The following FBN1 variants were observed in gnomAD, a reference collection of about 807,000 sequenced individuals.
FBN1 encodes fibrillin-1.
FBN1 carries 29 observed loss-of-function variants against 365.1 expected under a neutral mutation model. That is an observed-to-expected ratio of 0.08 (90% CI 0.06 to 0.11). FBN1 has a LOEUF of 0.11. FBN1 is among the 10% of genes least tolerant of loss of function. The pLI is 1.00. For synonymous variants in FBN1, 1,210 were observed against 1,270.5 expected, an observed-to-expected ratio of 0.95 and a Z score of 1.01; for missense variants, 2,476 against 3,703.2, an observed-to-expected ratio of 0.67 and a Z score of 8.60.
At chr15:48,568,014 A>AAAGG (rs2044270904) in intron 6 of FBN1, among the ~76,000 whole-genome samples, 1 of 108,550 alleles carries the variant, frequency 9.2e-6, no homozygotes, top group Non-Finnish European at 1.8e-5. Context: ...AGAAAGAAAG[A>AAAGG]AAGAAAGAAA....
chr15:48,413,160 C>T (rs1341416360), intron 64 of FBN1, among the ~76,000 whole-genome samples: 2 of 152,208 alleles, frequency 1.3e-5, no homozygotes, highest in Non-Finnish European at 2.9e-5. Context: ...AGGTGTGAGA[C>T]ATCACTGTTG....
In FBN1 at chr15:48,498,995, T is replaced by A; in HGVS notation, c.2157A>T (p.Ser719=). The change falls in exon 18 of 66, where the codon TCA becomes TCT. Residue 719 remains serine, a synonymous_variant. Transcript: ENST00000316623. ...GAAAGGAATCCTTACCACTGCCTGCTGACGTCATTCCTGGCCCACTGCTGC... is the reference window on the plus strand; with the variant it reads ...GAAAGGAATCCTTACCACTGCCTGCAGACGTCATTCCTGGCCCACTGCTGC... ...ALCSSGPGMT[S]AGSDINECAL... is the part of the protein sequence containing the mutation. 1.2e-6 allele frequency: 2 copies of A among 1,614,234 alleles called. No individual in the cohort carries two copies. Among genetic ancestry groups the A allele is most frequent in the African/African-American group, 1.3e-5 (1 of 75,066 alleles).
chr15:48,551,319 C>T (rs1328177859), intron 6 of FBN1, among the ~76,000 whole-genome samples: 5 of 152,108 alleles, frequency 3.3e-5, no homozygotes, highest in Admixed American at 1.3e-4. Flanking sequence ...AAACAAATGA[C>T]GTCAATGACC....
intron 2 of FBN1, chr15:48,641,080 C>T (rs999911011): frequency 2.6e-5 from 4 of 152,070 alleles, no homozygotes; most frequent in East Asian, 1.9e-4. Flanking sequence ...TATTATTTCA[C>T]GTGGTTTTGA....
chr15:48,548,625 T>C (rs2044115498), intron 6 of FBN1, among the ~76,000 whole-genome samples: 1 of 152,200 alleles, frequency 6.6e-6, no homozygotes, highest in African/African-American at 2.4e-5. Context: ...TCTTACCACT[T>C]ACTAGAGATT....
At position 48,520,822 on chromosome 15, in the gene FBN1, G is replaced by T. The variant is rs2043847966; in HGVS notation, c.989-5C>A. 1 of 1,614,038 alleles carries T rather than the reference G, an allele frequency of 6.2e-7. No homozygotes were observed. The highest frequency in any genetic ancestry group is 8.5e-7 in the Non-Finnish European group (1 of 1,179,998). On this transcript the variant is annotated splice_region_variant and splice_polypyrimidine_tract_variant and intron_variant, in intron 9 of 65. Transcript: ENST00000316623. Reference sequence around the variant, plus strand: ...AACAGTATCCTGGGCGAACATCTGAGGACAAAGAAACACATACACACACAC... The same window carrying T: ...AACAGTATCCTGGGCGAACATCTGATGACAAAGAAACACATACACACACAC...
intron 6 of FBN1, among the ~76,000 whole-genome samples, chr15:48,574,361 T>C (rs1209951859): frequency 6.6e-6 from 1 of 152,194 alleles, no homozygotes; most frequent in East Asian, 1.9e-4. Context: ...GCAGCATGGA[T>C]GAAGCATGGC....
In FBN1 at chr15:48,472,611, C is replaced by T. The variant is rs1597552464; in HGVS notation, c.4276G>A (p.Gly1426Arg). 4.3e-6 allele frequency: 7 copies of T among 1,614,218 alleles called. No individual in the cohort carries two copies. The highest frequency in any genetic ancestry group is 5.9e-6 in the Non-Finnish European group (7 of 1,180,042). ...GNGQCLNAPGGYRCECDMGFV... is the reference protein window; with the variant it reads ...GNGQCLNAPGRYRCECDMGFV... ...CCCATGTCGCATTCACAGCGGTATC[C>T]TCCTGGTGCATTGAGGCACTGGCCA... The change falls in exon 35 of 66, where the codon GGA becomes AGA. Residue 1426 changes from glycine to arginine, a missense_variant. Physicochemically the swap from Gly to Arg is moderately radical, Grantham distance 125. Coordinates refer to ENST00000316623, the MANE Select transcript of FBN1 (RefSeq NM_000138.5).
intron 2 of FBN1, among the ~76,000 whole-genome samples, chr15:48,633,785 C>A (rs1890038033): frequency 6.6e-6 from 1 of 152,132 alleles, no homozygotes; most frequent in Non-Finnish European, 1.5e-5. Flanking sequence ...CTTGCAGATA[C>A]CAGTCCACCT....
In FBN1 at chr15:48,622,526, T is replaced by C. The variant is rs1032098505; in HGVS notation, c.165-9434A>G. Among the ~76,000 whole-genome samples, 4 of 152,234 alleles carry C rather than the reference T, an allele frequency of 2.6e-5. No individual in the cohort carries two copies. The South Asian group carries it at 6.2e-4, about 24-fold the overall frequency. On this transcript the variant is annotated intron_variant, in intron 2 of 65. Transcript: ENST00000316623. ...CCTTGTCCAAATCCTGGTGATTTCA[T>C]TGTTGGACCAATATCATGTTCTTTT... is the stretch of plus-strand genomic sequence containing the variant.
At chr15:48,637,734 T>C (rs1490266497) in intron 2 of FBN1, among the ~76,000 whole-genome samples, 1 of 152,222 alleles carries the variant, frequency 6.6e-6, no homozygotes, top group Non-Finnish European at 1.5e-5. Flanking sequence ...ACCCAGTTCC[T>C]AGATGTTCCT....
intron 4 of FBN1, among the ~76,000 whole-genome samples, chr15:48,602,453 G>A (rs2044574791): frequency 6.6e-6 from 1 of 152,142 alleles, no homozygotes. Context: ...GTATAAAACT[G>A]TGCTAAATTA....
chr15:48,507,802 TGA>T (rs1464384967), intron 15 of FBN1, among the ~76,000 whole-genome samples: 3 of 152,162 alleles, frequency 2.0e-5, no homozygotes, highest in African/African-American at 4.8e-5. Flanking sequence ...GCTTTGAGTA[TGA>T]GGTTCTTTAA....
Position 48,504,971 on chromosome 15 carries a change from T to C in FBN1, c.1960+54A>G, listed in dbSNP as rs901789831. 25 of 1,612,500 alleles carry C rather than the reference T, an allele frequency of 1.6e-5. No homozygotes were observed. In the Admixed American group the frequency reaches 3.0e-4, roughly 19 times the overall value. On this transcript the variant is annotated intron_variant, in intron 16 of 65. Coordinates refer to ENST00000316623, the MANE Select transcript of FBN1 (RefSeq NM_000138.5). ...GAGCGTTTGTTACCATTGGGCTTTA[T>C]TGAGTGACAGAGGCTGAACCTCTCT...
At chr15:48,631,057 G>A (rs1273568443) in intron 2 of FBN1, among the ~76,000 whole-genome samples, 1 of 152,118 alleles carries the variant, frequency 6.6e-6, no homozygotes, top group Admixed American at 6.5e-5. Flanking sequence ...GGAACTCTAC[G>A]AAAGCTATGC....
intron 25 of FBN1, 62 bp from the exon 26 acceptor site, chr15:48,488,555 A>T: frequency 6.3e-7 from 1 of 1,578,670 alleles, no homozygotes; most frequent in Non-Finnish European, 8.6e-7. Context: ...GGAGGTCTCA[A>T]TGCCCACCAT....
chr15:48,634,692 T>C (rs2140770462), intron 2 of FBN1, among the ~76,000 whole-genome samples: 1 of 152,066 alleles, frequency 6.6e-6, no homozygotes, highest in African/African-American at 2.4e-5. Flanking sequence ...CATTTGATAT[T>C]CCTATCCTCC....
At chr15:48,428,564 C>G (rs559172589) in intron 56 of FBN1, 93 bp from the exon 57 acceptor site, 4 of 1,396,340 alleles carry the variant, frequency 2.9e-6, no homozygotes, top group Non-Finnish European at 4.1e-6. Context: ...TCCTTCCTCC[C>G]TCCCTCCTTC....
intron 8 of FBN1, among the ~76,000 whole-genome samples, chr15:48,527,799 T>C (rs773649930): frequency 2.0e-4 from 31 of 152,218 alleles, no homozygotes; most frequent in Non-Finnish European, 2.6e-4. Flanking sequence ...AATGCTAACA[T>C]AAACAGCACT....
Sources: gnomAD v4.1 joint callset for allele counts (sites outside exome capture counted in the v4.1 genomes callset) on GRCh38, gnomAD v4.1.1 for gene constraint, MANE v1.5 for transcripts, NCBI Gene and HGNC (gene_info 2026-07-23, HGNC 2026-07-21) for gene names.